Variants in AK5 observed in about 807,000 individuals in gnomAD.
The protein encoded by AK5 is adenylate kinase 5.
AK5 carries 27 observed loss-of-function variants against 69.5 expected under a neutral mutation model. The ratio of observed to expected loss-of-function variants is 0.39; its 90% CI spans 0.29 to 0.54. The LOEUF is 0.54. Ranked by LOEUF, AK5 falls within the 20% of genes least tolerant of loss-of-function variation. AK5 has a pLI of 0.71. For synonymous variants in AK5, 260 were observed against 244.4 expected, an observed-to-expected ratio of 1.06 and a Z score of -0.60; for missense variants, 531 against 700.4, an observed-to-expected ratio of 0.76 and a Z score of 2.73.
chr1:77,426,305 T>C (rs1466867991), intron 8 of AK5, among the ~76,000 whole-genome samples: 1 of 152,130 alleles, frequency 6.6e-6, no homozygotes, highest in Non-Finnish European at 1.5e-5. Flanking sequence ...ACGCTAACGC[T>C]AATCAAAAGA....
At chr1:77,355,946 T>C (rs969596382) in intron 6 of AK5, among the ~76,000 whole-genome samples, 2 of 151,620 alleles carry the variant, frequency 1.3e-5, no homozygotes, top group African/African-American at 4.9e-5. Context: ...TTAATATATA[T>C]GGGGGAAGAA....
intron 1 of AK5, chr1:77,283,017 G>A (rs1658146338): frequency 1.0e-6 from 1 of 985,576 alleles, no homozygotes; most frequent in Admixed American, 6.1e-5. Flanking sequence ...GGTTTCGCCA[G>A]TGCTCGACAA....
At chr1:77,502,546 G>C (rs774136238) in intron 10 of AK5, among the ~76,000 whole-genome samples, 1 of 152,156 alleles carries the variant, frequency 6.6e-6, no homozygotes, top group Non-Finnish European at 1.5e-5. Context: ...GGAGAAAGTA[G>C]ATAACATGTT....
intron 2 of AK5, among the ~76,000 whole-genome samples, chr1:77,290,829 C>T (rs1023427724): frequency 1.3e-5 from 2 of 152,148 alleles, no homozygotes; most frequent in African/African-American, 4.8e-5. Flanking sequence ...AATACAACCA[C>T]CAGGAAAGAA....
intron 12 of AK5, among the ~76,000 whole-genome samples, chr1:77,522,404 G>A (rs560077391): frequency 2.0e-5 from 3 of 152,278 alleles, no homozygotes; most frequent in Admixed American, 6.5e-5. Context: ...GAGGGAATAC[G>A]CTGGCTGGCC....
At chr1:77,421,941 CAT>C (rs1196799273) in intron 8 of AK5, among the ~76,000 whole-genome samples, 1 of 152,198 alleles carries the variant, frequency 6.6e-6, no homozygotes, top group African/African-American at 2.4e-5. Flanking sequence ...GCTCCTGTTG[CAT>C]ATGTCTGACT....
chr1:77,316,964 C>T (rs1156847868), intron 5 of AK5, among the ~76,000 whole-genome samples: 3 of 152,110 alleles, frequency 2.0e-5, no homozygotes, highest in South Asian at 2.1e-4. Context: ...TGCTGCATAA[C>T]GAATCAACCC....
chr1:77,530,749 A>G (rs1658528660), intron 12 of AK5, among the ~76,000 whole-genome samples: 1 of 152,162 alleles, frequency 6.6e-6, no homozygotes, highest in Admixed American at 6.5e-5. Context: ...ATACACCAAG[A>G]ATAAGATAGT....
At chr1:77,508,528 C>T (rs935846159) in intron 10 of AK5, among the ~76,000 whole-genome samples, 1 of 152,184 alleles carries the variant, frequency 6.6e-6, no homozygotes, top group Admixed American at 6.5e-5. Flanking sequence ...CCTCTGCCCA[C>T]ATTTCATTGA....
intron 12 of AK5, chr1:77,532,425 G>T (rs2100348097): frequency 6.6e-6 from 1 of 151,956 alleles, no homozygotes; most frequent in South Asian, 2.1e-4. Flanking sequence ...TCAGCTTCTT[G>T]CCCAAACTTC....
At chr1:77,324,809 G>T (rs529471524) in intron 5 of AK5, among the ~76,000 whole-genome samples, 2 of 152,234 alleles carry the variant, frequency 1.3e-5, no homozygotes, top group East Asian at 3.9e-4. Context: ...GTCTGAAGGA[G>T]ACTTGATTTC....
intron 13 of AK5, among the ~76,000 whole-genome samples, chr1:77,557,811 C>T (rs1660187715): frequency 1.3e-5 from 2 of 152,126 alleles, no homozygotes. Context: ...TTAGAGAAGT[C>T]TTAGCTTCAC....
chr1:77,524,391 T>C (rs1284901299), intron 12 of AK5, among the ~76,000 whole-genome samples: 4 of 152,216 alleles, frequency 2.6e-5, no homozygotes, highest in African/African-American at 4.8e-5. Context: ...CCAGCCATAG[T>C]GGCCACACCA....
intron 10 of AK5, among the ~76,000 whole-genome samples, chr1:77,496,609 A>G (rs1310841069): frequency 6.6e-6 from 1 of 152,222 alleles, no homozygotes; most frequent in Admixed American, 6.5e-5. Context: ...GAACAGGTGA[A>G]TGAAAGGACC....
intron 6 of AK5, among the ~76,000 whole-genome samples, chr1:77,367,557 T>TATATATATATATATA (rs1557532485): frequency 1.7e-5 from 1 of 59,378 alleles, no homozygotes; most frequent in Non-Finnish European, 2.8e-5. Context: ...TATGTTATTT[T>TATATATATATATATA]TATATATATA....
At chr1:77,427,657 A>G (rs1651303178) in intron 8 of AK5, among the ~76,000 whole-genome samples, 1 of 152,170 alleles carries the variant, frequency 6.6e-6, no homozygotes, top group Non-Finnish European at 1.5e-5. Context: ...CAAAGACATT[A>G]CAAAAAAAGA....
chr1:77,543,094 A>G (rs564425305), intron 13 of AK5, among the ~76,000 whole-genome samples: 1 of 152,314 alleles, frequency 6.6e-6, no homozygotes, highest in South Asian at 2.1e-4. Context: ...CTGAAATGCA[A>G]TGGTCCACAT....
chr1:77,506,797 G>A (rs956866797), intron 10 of AK5, among the ~76,000 whole-genome samples: 3 of 152,122 alleles, frequency 2.0e-5, no homozygotes, highest in African/African-American at 4.8e-5. Flanking sequence ...CCAGGAGTTC[G>A]AAACCAGCCT....
At chr1:77,387,340 T>C (rs1648103267) in intron 6 of AK5, among the ~76,000 whole-genome samples, 1 of 152,164 alleles carries the variant, frequency 6.6e-6, no homozygotes, top group South Asian at 2.1e-4. Flanking sequence ...ATGTTAAAGA[T>C]ACAAAAACTT....
Sources: gnomAD v4.1 joint callset for allele counts (sites outside exome capture counted in the v4.1 genomes callset) on GRCh38, gnomAD v4.1.1 for gene constraint, MANE v1.5 for transcripts, NCBI Gene and HGNC (gene_info 2026-07-23, HGNC 2026-07-21) for gene names.